The following KLHDC4 variants were observed in gnomAD, a reference collection of about 807,000 sequenced individuals.
KLHDC4 encodes the protein kelch domain-containing protein 4.
KLHDC4 carries 90 observed loss-of-function variants against 62.4 expected under a neutral mutation model. The ratio of observed to expected loss-of-function variants is 1.44; its 90% CI spans 1.22 to 1.72. The LOEUF (loss-of-function observed/expected upper bound fraction) is 1.72, where lower values mean the gene tolerates loss of function less well. KLHDC4 is among the 40% of genes most tolerant of loss of function. KLHDC4 has a pLI of 0.00. For synonymous variants in KLHDC4, 386 were observed against 284.4 expected, an observed-to-expected ratio of 1.36 and a Z score of -3.59; for missense variants, 1,025 against 699.7, an observed-to-expected ratio of 1.47 and a Z score of -5.25.
intron 11 of KLHDC4, 81 bp from the exon 12 acceptor site, chr16:87,708,156 C>T: frequency 1.6e-6 from 1 of 633,096 alleles, no homozygotes; most frequent in Admixed American, 2.4e-5. Context: ...AGAGAGAACA[C>T]CGGGTTTTCA....
chr16:87,763,557 A>G (rs1159167325), intron 1 of KLHDC4: 1 of 152,250 alleles, frequency 6.6e-6, no homozygotes, highest in Non-Finnish European at 1.5e-5. Flanking sequence ...ATGAGCTGAG[A>G]TCATGCCACT....
At chr16:87,714,708 C>G in intron 7 of KLHDC4, 135 bp from the exon 8 acceptor site, 1 of 919,240 alleles carries the variant, frequency 1.1e-6, no homozygotes, top group Non-Finnish European at 1.7e-6. Flanking sequence ...AGCTCCAAAG[C>G]GTGCCTGCAG....
At chr16:87,742,394 C>T (rs1022567937) in intron 5 of KLHDC4, among the ~76,000 whole-genome samples, 18 of 152,330 alleles carry the variant, frequency 1.2e-4, no homozygotes, top group Middle Eastern at 3.4e-3. Flanking sequence ...GCAAAACCTA[C>T]ACTACTTTCA....
chr16:87,730,000 C>A (rs1043473392), intron 6 of KLHDC4, among the ~76,000 whole-genome samples: 3 of 152,208 alleles, frequency 2.0e-5, no homozygotes, highest in South Asian at 2.1e-4. Context: ...GTCACCCAGG[C>A]TGGAGTTCAG....
chr16:87,757,466 G>GA (rs56735340), intron 2 of KLHDC4: 5,637 of 82,304 alleles, frequency 0.068, 342 homozygotes, highest in African/African-American at 0.19. Context: ...GATTCCATCT[G>GA]AAAAAAAAAA....
chr16:87,744,142 A>T (rs9923650), intron 5 of KLHDC4, among the ~76,000 whole-genome samples: 6 of 151,780 alleles, frequency 4.0e-5, no homozygotes, highest in Admixed American at 3.9e-4. Flanking sequence ...AAGGCTGGGT[A>T]CAGTGGCTCA....
chr16:87,711,435 C>T lies in KLHDC4; in HGVS notation c.844G>A (p.Val282Ile). The T allele has an allele frequency of 6.2e-7, 1 of 1,609,348 alleles. No individual in the cohort carries two copies. Among genetic ancestry groups the T allele is most frequent in the Non-Finnish European group, 8.5e-7 (1 of 1,178,628 alleles). The change falls in exon 9 of 12, where the codon GTT (valine) becomes ATT (isoleucine). Residue 282 changes from valine (V) to isoleucine (I), a missense_variant. Transcript: ENST00000270583. ...KPEDGREDKWVWTRMNPSGVK... is the reference protein window; with the variant it reads ...KPEDGREDKWIWTRMNPSGVK... ...CCCGAAGGGTTCATCCGAGTCCAAA[C>T]CCACTTGTCTGTCAAAAGAGAACAA...
intron 5 of KLHDC4, among the ~76,000 whole-genome samples, chr16:87,737,415 C>T (rs2041520363): frequency 6.6e-6 from 1 of 151,942 alleles, no homozygotes; most frequent in Non-Finnish European, 1.5e-5. Flanking sequence ...TGGTGAAACC[C>T]CGACTCTCCT....
chr16:87,754,329 G>A (rs2044513943), intron 4 of KLHDC4, among the ~76,000 whole-genome samples: 1 of 152,112 alleles, frequency 6.6e-6, no homozygotes, highest in African/African-American at 2.4e-5. Context: ...CTGGGTGACA[G>A]AGCAAGACTC....
chr16:87,761,406 G>C (rs1245176101), intron 2 of KLHDC4, among the ~76,000 whole-genome samples: 1 of 152,204 alleles, frequency 6.6e-6, no homozygotes, highest in African/African-American at 2.4e-5. Flanking sequence ...AATCCTGCAA[G>C]GTTAATCTCC....
At chr16:87,743,245 A>G (rs2042512964) in intron 5 of KLHDC4, among the ~76,000 whole-genome samples, 3 of 152,246 alleles carry the variant, frequency 2.0e-5, no homozygotes, top group East Asian at 1.9e-4. Flanking sequence ...AGCTGGGATT[A>G]CACACACACC....
At chr16:87,714,466 C>G (rs2036531540) in intron 8 of KLHDC4, 32 bp downstream of exon 8, 1 of 1,613,052 alleles carries the variant, frequency 6.2e-7, no homozygotes, top group African/African-American at 1.3e-5. Context: ...ACAGACCAGC[C>G]AGCTCCCGCC....
At chr16:87,754,208 T>TG (rs1409503867) in intron 4 of KLHDC4, among the ~76,000 whole-genome samples, 2 of 151,920 alleles carry the variant, frequency 1.3e-5, no homozygotes, top group Non-Finnish European at 2.9e-5. Flanking sequence ...CAGTCAGGTG[T>TG]GGTGAGGGGT....
intron 5 of KLHDC4, among the ~76,000 whole-genome samples, chr16:87,735,530 C>T (rs117958549): frequency 0.021 from 3,165 of 152,360 alleles, 55 homozygotes; most frequent in Non-Finnish European, 0.033. Context: ...AGAGTCTCAT[C>T]CTCTGGCTGA....
At chr16:87,723,983 C>T (rs937183510) in intron 7 of KLHDC4, among the ~76,000 whole-genome samples, 1 of 152,126 alleles carries the variant, frequency 6.6e-6, no homozygotes, top group Non-Finnish European at 1.5e-5. Flanking sequence ...ATTACAGGCA[C>T]GCCCCACCAC....
rs1156452641 is a variant in KLHDC4, at chr16:87,744,582, GA to G, written c.506+4090del. Among the ~76,000 whole-genome samples the G allele has an allele frequency of 2.2e-3, 164 of 73,560 alleles. 1 individual carries two copies. Among genetic ancestry groups the G allele is most frequent in the African/African-American group, 4.9e-3 (96 of 19,568 alleles). The allele number at this position is 73,560 out of a possible 152,430, so 48.3% of individuals were successfully genotyped here. On this transcript the variant is annotated intron_variant, in intron 5 of 11. Coordinates refer to ENST00000270583, the MANE Select transcript of KLHDC4 (RefSeq NM_017566.4). ...TGGGCAACAGAGCTAGACTGTCTCA[GA>G]AAAAAAAAAAAAATAGAATTTGAAA...
chr16:87,749,313 C>T (rs992297403), intron 4 of KLHDC4, among the ~76,000 whole-genome samples: 9 of 151,960 alleles, frequency 5.9e-5, no homozygotes, highest in African/African-American at 1.7e-4. Context: ...CCCAGCACTT[C>T]GGGAGGCTGA....
At chr16:87,761,261 G>A (rs1015671429) in intron 2 of KLHDC4, among the ~76,000 whole-genome samples, 6 of 152,132 alleles carry the variant, frequency 3.9e-5, no homozygotes, top group Admixed American at 2.0e-4. Context: ...CTCTGAGGCC[G>A]GTGGGTGGGA....
chr16:87,744,416 CAAAAAAA>C (rs34553451), intron 5 of KLHDC4, among the ~76,000 whole-genome samples: 1 of 108,318 alleles, frequency 9.2e-6, no homozygotes, highest in African/African-American at 3.5e-5. Flanking sequence ...ACTCCGTCTC[CAAAAAAA>C]AAAAAAAAAA....
Sources: allele counts gnomAD v4.1 joint callset (sites outside exome capture counted in the v4.1 genomes callset), GRCh38; gene constraint gnomAD v4.1.1; transcripts MANE v1.5; gene names NCBI Gene and HGNC (gene_info 2026-07-23, HGNC 2026-07-21).